Variants in ACP7 observed in about 807,000 individuals in gnomAD.
ACP7 encodes acid phosphatase 7, tartrate resistant (putative), also known as acid phosphatase type 7.
A neutral mutation model predicts 60.6 loss-of-function variants in ACP7; 58 were observed. The observed-to-expected ratio is 0.96, with a 90% CI of 0.77 to 1.19. The LOEUF (loss-of-function observed/expected upper bound fraction) is 1.19, where lower values mean the gene tolerates loss of function less well. Ranked by LOEUF, ACP7 falls within the 50% of genes most tolerant of loss-of-function variation. The probability of loss-of-function intolerance (pLI) is 0.00; values close to 1 mark genes in which losing one functional copy is unlikely to be tolerated. For synonymous variants in ACP7, 237 were observed against 232.6 expected, an observed-to-expected ratio of 1.02 and a Z score of -0.17; for missense variants, 574 against 596.2, an observed-to-expected ratio of 0.96 and a Z score of 0.39.
intron 2 of ACP7, among the ~76,000 whole-genome samples, chr19:39,090,476 TTTAATTAA>T (rs550946834): frequency 1.1e-4 from 17 of 150,778 alleles, no homozygotes; most frequent in African/African-American, 3.9e-4. Context: ...GCCAATAACT[TTTAATTAA>T]TTAATTAATT....
Position 39,085,315 on chromosome 19 carries a change from C to A in ACP7, c.46C>A (p.Leu16Ile). The change falls in exon 2 of 13, where the codon CTA (leucine) becomes ATA (isoleucine). Residue 16 changes from leucine to isoleucine, a missense_variant. Leu to Ile is a conservative substitution (Grantham distance 5). Transcript: ENST00000331256. ...CTGGTCCTGTTACTGTCTACTCCTG[C>A]TATTCTCCTTGGGAGTCCAGGGGTC... Reference protein sequence around the residue: ...GYWSCYCLLLLFSLGVQGSLG... With the variant: ...GYWSCYCLLLIFSLGVQGSLG... 1 of 1,613,814 alleles carries A rather than the reference C, an allele frequency of 6.2e-7. No individual in the cohort carries two copies. Among genetic ancestry groups the A allele is most frequent in the South Asian group, 1.1e-5 (1 of 91,028 alleles).
At chr19:39,104,544 A>G (rs549277948) in intron 11 of ACP7, among the ~76,000 whole-genome samples, 1 of 152,264 alleles carries the variant, frequency 6.6e-6, no homozygotes, top group Admixed American at 6.5e-5. Context: ...CCCATGGGTG[A>G]TTGCTATTCT....
At chr19:39,098,165 C>T (rs1228713991) in intron 2 of ACP7, among the ~76,000 whole-genome samples, 4 of 142,578 alleles carry the variant, frequency 2.8e-5, no homozygotes, top group African/African-American at 5.2e-5. Flanking sequence ...GCAGGAGAAT[C>T]GCTTGAACCT....
chr19:39,089,175 C>T (rs942449721), intron 2 of ACP7, among the ~76,000 whole-genome samples: 2 of 152,052 alleles, frequency 1.3e-5, no homozygotes, highest in African/African-American at 4.8e-5. Context: ...GTAATCTACC[C>T]ACCTCGGCCT....
In ACP7 at chr19:39,099,101, G is replaced by A. The variant is rs1568480067; in HGVS notation, c.464G>A (p.Arg155Lys). 6.3e-7 allele frequency: 1 copy of A among 1,597,192 alleles called. No homozygotes were observed. Among genetic ancestry groups the A allele is most frequent in the South Asian group, 1.1e-5 (1 of 88,972 alleles). Residue 155 changes from arginine to lysine, a missense_variant, in exon 4 of 13, where the codon AGG (arginine) becomes AAG (lysine). Transcript: ENST00000331256. ...CCGAAGGCCGTCCCCCGGCTGCGCA[G>A]GGACACCCAGCAGGGCATGTATGAC... ...DNPKAVPRLR[R>K]DTQQGMYDAV...
At chr19:39,092,219 A>C (rs1024007755) in intron 2 of ACP7, among the ~76,000 whole-genome samples, 3 of 152,078 alleles carry the variant, frequency 2.0e-5, no homozygotes, top group African/African-American at 7.2e-5. Flanking sequence ...CTAAAAATAC[A>C]AAAAATTAGC....
chr19:39,103,883 G>A (rs1362843132), intron 11 of ACP7, among the ~76,000 whole-genome samples: 8 of 151,838 alleles, frequency 5.3e-5, no homozygotes, highest in Non-Finnish European at 1.2e-4. Context: ...GGCTGGTCTC[G>A]AATTCCTGGG....
At chr19:39,089,539 A>G (rs1228769979) in intron 2 of ACP7, among the ~76,000 whole-genome samples, 2 of 152,150 alleles carry the variant, frequency 1.3e-5, no homozygotes, top group Non-Finnish European at 2.9e-5. Flanking sequence ...CTGTTAACTA[A>G]ACTACAGATC....
rs1250720298 is a variant in ACP7, at chr19:39,100,996, G to A, written c.855G>A (p.Gly285=). ...CCCGGCCGTGGATCATCACTATGGG[G>A]CACCGGCCCATGTACTGCTCCAACG... is the stretch of plus-strand genomic sequence containing the variant. The part of the protein sequence containing the change: ...RAARPWIITM[G]HRPMYCSNAD... The change falls in exon 8 of 13, where the codon GGG becomes GGA. Residue 285 remains glycine (G), a synonymous_variant. Coordinates refer to ENST00000331256, the MANE Select transcript of ACP7 (RefSeq NM_001004318.3). 12 of 1,613,840 alleles carry A rather than the reference G, an allele frequency of 7.4e-6. No individual in the cohort carries two copies. Among genetic ancestry groups the A allele is most frequent in the Non-Finnish European group, 8.5e-6 (10 of 1,179,990 alleles).
Position 39,093,172 on chromosome 19 carries a change from C to CCTTCCTTCCTTCCTTCCTTCCT in ACP7, c.122-5286_122-5285insCTTCCTTCCTTCCTTCCTTCCT, listed in dbSNP as rs1555767303. Among the ~76,000 whole-genome samples, 39 of 80,758 alleles carry CCTTCCTTCCTTCCTTCCTTCCT rather than the reference C, an allele frequency of 4.8e-4. 1 individual carries two copies. The highest frequency in any genetic ancestry group is 7.9e-4 in the South Asian group (2 of 2,536). 53.0% of individuals were successfully genotyped at this position (80,758 alleles called of 152,430 possible). A position where few individuals can be genotyped will look rare whatever the true frequency, so the allele number is the denominator to read the frequency against. ...TCTTTCTTTCTCTTTCTTTCTTTCTCTCCTTCCTTCCTTCCTTCTTTCTTT... is the reference window on the plus strand; with the variant it reads ...TCTTTCTTTCTCTTTCTTTCTTTCTCCTTCCTTCCTTCCTTCCTTCCTTCCTTCCTTCCTTCCTTCTTTCTTT... On this transcript the variant is annotated intron_variant, in intron 2 of 12. Transcript: ENST00000331256.
chr19:39,084,926 C>T (rs1311353622), intron 1 of ACP7, among the ~76,000 whole-genome samples, 166 bp from the exon 2 acceptor site: 4 of 152,154 alleles, frequency 2.6e-5, no homozygotes, highest in Non-Finnish European at 5.9e-5. Flanking sequence ...GCTCGGTTTC[C>T]TCATCTGTGA....
Position 39,101,218 on chromosome 19 carries a change from C to T in ACP7, c.973+11C>T. On this transcript the variant is annotated intron_variant, in intron 9 of 12. Coordinates refer to ENST00000331256, the MANE Select transcript of ACP7 (RefSeq NM_001004318.3). ...TTTTCTACAAATATGGTGAGCGACC[C>T]TCAGGACCCATGCCCCACACCCCAC... 1 of 1,614,194 alleles carries T rather than the reference C, an allele frequency of 6.2e-7. No homozygotes were observed. Among genetic ancestry groups the T allele is most frequent in the Non-Finnish European group, 8.5e-7 (1 of 1,180,030 alleles).
At chr19:39,097,946 T>G (rs986938122) in intron 2 of ACP7, among the ~76,000 whole-genome samples, 1 of 152,072 alleles carries the variant, frequency 6.6e-6, no homozygotes, top group African/African-American at 2.4e-5. Flanking sequence ...TGAAGTGATG[T>G]GCCCCAGGAA....
chr19:39,091,364 T>A (rs1306726720), intron 2 of ACP7, among the ~76,000 whole-genome samples: 1 of 151,700 alleles, frequency 6.6e-6, no homozygotes, highest in African/African-American at 2.4e-5. Context: ...GGTTTCACCA[T>A]GCCGGTCAGG....
chr19:39,111,264 A>T lies in ACP7; in HGVS notation c.*1146A>T, dbSNP rs1029900632. The T allele has an allele frequency of 4.6e-5, 7 of 152,056 alleles. No individual in the cohort carries two copies. The highest frequency in any genetic ancestry group is 1.0e-4 in the Non-Finnish European group (7 of 68,158). The allele number at this position is 152,056 out of a possible 1,614,324, so 9.4% of individuals were successfully genotyped here. A position where few individuals can be genotyped will look rare whatever the true frequency, so the allele number is the denominator to read the frequency against. ...GAGACCAGCCTGGGCAACACAGCGA[A>T]ACCCTTTCTCTACCAAAAATATGAA... On this transcript the variant is annotated 3_prime_UTR_variant, in exon 13 of 13. Transcript: ENST00000331256.
At chr19:39,090,327 C>T (rs564549371) in intron 2 of ACP7, among the ~76,000 whole-genome samples, 1 of 152,054 alleles carries the variant, frequency 6.6e-6, no homozygotes, top group South Asian at 2.1e-4. Context: ...CGCTGCCATG[C>T]CTGGCCAAGT....
rs961035024 is a variant in ACP7 at position 39,110,799 on chromosome 19, C to T, written c.*681C>T. On this transcript the variant is annotated 3_prime_UTR_variant, in exon 13 of 13. Transcript: ENST00000331256. ...CCTTCCCTCTTTCCTTCCTTTCTTT[C>T]CCTTCTTTTATTTATTGAATCATAA... 6.6e-6 allele frequency: 1 copy of T among 152,296 alleles called. No individual in the cohort carries two copies. The highest frequency in any genetic ancestry group is 1.5e-5 in the Non-Finnish European group (1 of 68,114). 9.4% of individuals were successfully genotyped at this position (152,296 alleles called of 1,614,324 possible).
chr19:39,109,980 G>A (rs1324424359), intron 12 of ACP7, 73 bp from the exon 13 acceptor site: 1 of 1,488,030 alleles, frequency 6.7e-7, no homozygotes, highest in African/African-American at 1.4e-5. Context: ...AGAGGGGACT[G>A]GAACCCAGGC....
intron 2 of ACP7, among the ~76,000 whole-genome samples, chr19:39,086,102 T>C (rs769622309): frequency 2.0e-5 from 3 of 152,058 alleles, no homozygotes; most frequent in Non-Finnish European, 4.4e-5. Flanking sequence ...GGCGGAAGGA[T>C]CACTTGAGCT....
Sources: gnomAD v4.1 joint callset for allele counts (sites outside exome capture counted in the v4.1 genomes callset) on GRCh38, gnomAD v4.1.1 for gene constraint, MANE v1.5 for transcripts, NCBI Gene and HGNC (gene_info 2026-07-23, HGNC 2026-07-21) for gene names.